ETNK1: variants seen among roughly 807,000 people sequenced by gnomAD.
The protein encoded by ETNK1 is putative protein product of Nbla10396.
A neutral mutation model predicts 45.1 loss-of-function variants in ETNK1; 8 were observed. The observed-to-expected ratio is 0.18, with a 90% CI of 0.10 to 0.32. The LOEUF is 0.32. Ranked by LOEUF, ETNK1 falls within the 10% of genes least tolerant of loss-of-function variation. The pLI is 1.00. For synonymous variants in ETNK1, 152 were observed against 151.9 expected (o/e 1.00, Z -0.01); for missense variants, 302 against 430.6 (o/e 0.70, Z 2.64).
intron 1 of ETNK1, among the ~76,000 whole-genome samples, chr12:22,640,923 G>C (rs1261093019): frequency 6.6e-6 from 1 of 152,038 alleles, no homozygotes; most frequent in Non-Finnish European, 1.5e-5. Flanking sequence ...TACTGAGGTG[G>C]AATTTTATAT....
rs1318218679 is a variant in ETNK1, at chr12:22,659,110, C to G, written c.513C>G (p.Phe171Leu). 6.2e-7 allele frequency: 1 copy of G among 1,613,732 alleles called. No homozygotes were observed. The highest frequency in any genetic ancestry group is 1.3e-5 in the African/African-American group (1 of 75,038). The change falls in exon 3 of 8, where the codon TTC becomes TTG. Residue 171 changes from phenylalanine (F) to leucine (L), a missense_variant. By Grantham distance (22) the Phe-to-Leu change is conservative. Around this residue, in one of 3 missense-constraint regions of ETNK1, gnomAD observed 205 missense variants for 259.9 expected, o/e 0.79. Coordinates refer to ENST00000266517, the MANE Select transcript of ETNK1 (RefSeq NM_018638.5). ...SNLWLKMGKYFSLIPTGFADE... is the reference protein window; with the variant it reads ...SNLWLKMGKYLSLIPTGFADE... ...TTTGGCTAAAGATGGGAAAGTATTT[C>G]TCTCTCATTCCCACAGGATTTGCAG... is the stretch of plus-strand genomic sequence containing the variant.
chr12:22,626,330 A>C (rs983621461), intron 1 of ETNK1: 2 of 152,588 alleles, frequency 1.3e-5, no homozygotes, highest in African/African-American at 2.4e-5. Context: ...TATGATTTCC[A>C]CTACGTGATT....
At chr12:22,665,054 A>G (rs1339574211) in intron 4 of ETNK1, among the ~76,000 whole-genome samples, 2 of 152,186 alleles carry the variant, frequency 1.3e-5, no homozygotes, top group Non-Finnish European at 2.9e-5. Flanking sequence ...TCTAACTCTT[A>G]AAAGCAGATA....
chr12:22,625,717 G>T (rs1325653164), intron 1 of ETNK1, 131 bp downstream of exon 1: 3 of 1,337,898 alleles, frequency 2.2e-6, no homozygotes, highest in Non-Finnish European at 2.1e-6. Context: ...CTATTGGGAA[G>T]TGACCCTGTA....
intron 2 of ETNK1, among the ~76,000 whole-genome samples, chr12:22,658,188 A>G (rs1291147302): frequency 5.9e-5 from 9 of 152,180 alleles, no homozygotes; most frequent in Admixed American, 5.9e-4. Flanking sequence ...TTCAGGGGAC[A>G]GAGAAGTTCA....
intron 2 of ETNK1, among the ~76,000 whole-genome samples, chr12:22,647,889 A>G (rs1157406573): frequency 6.6e-6 from 1 of 151,942 alleles, no homozygotes; most frequent in East Asian, 1.9e-4. Context: ...ACTTGATGTT[A>G]CTGTAGTAAA....
chr12:22,625,494 C>A lies in ETNK1; in HGVS notation c.64C>A (p.Gln22Lys). Reference sequence around the variant, plus strand: ...GGTGCCCAAGCTGAACGTCACCGTTCAGGATCAGGAGGAGCATCGCTGCCG... The same window carrying A: ...GGTGCCCAAGCTGAACGTCACCGTTAAGGATCAGGAGGAGCATCGCTGCCG... ...PEVPKLNVTV[Q>K]DQEEHRCREG... The change falls in exon 1 of 8, where the codon CAG becomes AAG. Residue 22 changes from glutamine to lysine, a missense_variant. This residue lies in a region of ETNK1 where 205 missense variants were observed against 259.9 expected (regional missense o/e 0.79). Coordinates refer to ENST00000266517, the MANE Select transcript of ETNK1 (RefSeq NM_018638.5). 1 of 1,606,212 alleles carries A rather than the reference C, an allele frequency of 6.2e-7. No individual in the cohort carries two copies.
intron 1 of ETNK1, among the ~76,000 whole-genome samples, chr12:22,630,436 G>A (rs1215764351): frequency 2.0e-5 from 3 of 152,136 alleles, no homozygotes; most frequent in Non-Finnish European, 4.4e-5. Context: ...CTTCATAGAG[G>A]TGGGGGTACC....
intron 6 of ETNK1, among the ~76,000 whole-genome samples, chr12:22,674,561 A>C (rs151239785): frequency 1.1e-3 from 162 of 152,318 alleles, no homozygotes; most frequent in Middle Eastern, 3.4e-3. Context: ...CATGCTCTAC[A>C]GCTGGTCCTA....
intron 4 of ETNK1, among the ~76,000 whole-genome samples, chr12:22,662,542 A>G (rs1015081501): frequency 6.6e-6 from 1 of 151,956 alleles, no homozygotes. Context: ...CTACAGGTAC[A>G]TGCCATCATA....
At chr12:22,629,519 C>T (rs1459502168) in intron 1 of ETNK1, among the ~76,000 whole-genome samples, 2 of 152,178 alleles carry the variant, frequency 1.3e-5, no homozygotes, top group African/African-American at 2.4e-5. Flanking sequence ...TGTAACTCCT[C>T]TTAATATTGA....
chr12:22,666,468 C>G (rs1954054862), intron 4 of ETNK1, among the ~76,000 whole-genome samples: 3 of 152,100 alleles, frequency 2.0e-5, no homozygotes, highest in Admixed American at 6.5e-5. Context: ...TTAATTTCAA[C>G]TAATCATTTA....
At chr12:22,630,325 A>G (rs1311966245) in intron 1 of ETNK1, among the ~76,000 whole-genome samples, 1 of 152,166 alleles carries the variant, frequency 6.6e-6, no homozygotes, top group African/African-American at 2.4e-5. Context: ...AGTAATTCTG[A>G]CATGTGTTTT....
At chr12:22,662,242 ATTTTTTT>A (rs774396641) in intron 4 of ETNK1, among the ~76,000 whole-genome samples, 3 of 73,416 alleles carry the variant, frequency 4.1e-5, no homozygotes, top group Admixed American at 1.5e-4. Context: ...TAATTTTTGT[ATTTTTTT>A]TTTTTTTTTT....
rs1472902470 is a variant in ETNK1, at chr12:22,670,063, G to A, written c.701-1209G>A. On this transcript the variant is annotated intron_variant, in intron 4 of 7. Coordinates refer to ENST00000266517, the MANE Select transcript of ETNK1 (RefSeq NM_018638.5). ...AACACTATTTGCCATGACATTTTTT[G>A]TCACGTAATTTTGTTTTTCTTTGTG... Among the ~76,000 whole-genome samples the A allele has an allele frequency of 3.3e-5, 5 of 151,906 alleles. No homozygotes were observed. In the East Asian group the frequency reaches 9.6e-4, roughly 29 times the overall value.
chr12:22,632,144 C>T (rs1488388963), intron 1 of ETNK1, among the ~76,000 whole-genome samples: 3 of 150,798 alleles, frequency 2.0e-5, no homozygotes, highest in African/African-American at 7.3e-5. Flanking sequence ...AATAAGTACT[C>T]TGAGAAAATA....
chr12:22,672,312 C>T (rs552863566), intron 5 of ETNK1, among the ~76,000 whole-genome samples: 1 of 151,934 alleles, frequency 6.6e-6, no homozygotes, highest in Non-Finnish European at 1.5e-5. Flanking sequence ...TTAGAACATA[C>T]CCCAGAATGG....
intron 3 of ETNK1, 72 bp downstream of exon 3, chr12:22,659,226 G>A: frequency 7.0e-6 from 10 of 1,420,378 alleles, no homozygotes; most frequent in Non-Finnish European, 9.5e-6. Context: ...AAAGGTAATT[G>A]TAAAGTTTCA....
intron 5 of ETNK1, among the ~76,000 whole-genome samples, chr12:22,672,431 A>G (rs1269223130): frequency 2.0e-5 from 3 of 152,184 alleles, no homozygotes; most frequent in Non-Finnish European, 2.9e-5. Context: ...ACTCTGGGAA[A>G]AAATTTTAAT....
Sources: gnomAD v4.1 joint callset for allele counts (sites outside exome capture counted in the v4.1 genomes callset) on GRCh38, gnomAD v4.1.1 for gene constraint, gnomAD v4.1.1 regional missense constraint, MANE v1.5 for transcripts, NCBI Gene and HGNC (gene_info 2026-07-23, HGNC 2026-07-21) for gene names.